SOX5: variants seen among roughly 807,000 people sequenced by gnomAD.
SOX5 encodes transcription factor SOX-5.
Under a neutral mutation model 92.0 loss-of-function variants are expected in SOX5, and 9 were observed. That is an observed-to-expected ratio of 0.10 (90% CI 0.06 to 0.17). The LOEUF (loss-of-function observed/expected upper bound fraction) is 0.17. Ranked by LOEUF, SOX5 falls within the 10% of genes least tolerant of loss-of-function variation. SOX5 has a pLI of 1.00. For synonymous variants in SOX5, 344 were observed against 336.3 expected (o/e 1.02, Z -0.25); for missense variants, 642 against 944.5 (o/e 0.68, Z 4.20).
At chr12:24,016,299 A>T (rs988599928) in intron 4 of SOX5, among the ~76,000 whole-genome samples, 2 of 152,200 alleles carry the variant, frequency 1.3e-5, no homozygotes, top group Non-Finnish European at 2.9e-5. Context: ...CATAAATGAC[A>T]ACAGATTGTC....
chr12:23,931,542 G>T (rs1165071015), intron 1 of SOX5, among the ~76,000 whole-genome samples: 2 of 151,560 alleles, frequency 1.3e-5, no homozygotes, highest in Non-Finnish European at 3.0e-5. Context: ...AGGAAACTTT[G>T]GTAACGAAAA....
rs376266012 is a variant in SOX5 at position 24,463,518 on chromosome 12, A to T, written c.-250-94879T>A. On this transcript the variant is annotated intron_variant, in intron 1 of 4. Transcript: ENST00000446891. ...TTTGACAGCCCAGTTTTAAATTTCT[A>T]AACGCTTACAGATTTTATCTAACTA... Among the ~76,000 whole-genome samples, 171 of 152,316 alleles carry T rather than the reference A, an allele frequency of 1.1e-3. 1 individual carries two copies. Among genetic ancestry groups the T allele is most frequent in the African/African-American group, 4.1e-3 (170 of 41,564 alleles).
chr12:24,031,502 T>C (rs1231569743), intron 4 of SOX5, among the ~76,000 whole-genome samples: 1 of 151,734 alleles, frequency 6.6e-6, no homozygotes, highest in East Asian at 1.9e-4. Flanking sequence ...AAGTAGAAAG[T>C]AGAATGGTGG....
intron 2 of SOX5, among the ~76,000 whole-genome samples, chr12:24,316,836 T>A (rs907315906): frequency 1.4e-4 from 22 of 152,208 alleles, no homozygotes; most frequent in Non-Finnish European, 5.9e-5. Context: ...TTTCCATTTG[T>A]ACAAACCCCT....
chr12:24,433,904 A>G (rs1053688235), intron 1 of SOX5, among the ~76,000 whole-genome samples: 8 of 152,194 alleles, frequency 5.3e-5, no homozygotes, highest in Non-Finnish European at 1.0e-4. Flanking sequence ...AGAAAGGAAC[A>G]TGTCAAATAG....
At chr12:23,753,953 GAAGA>G (rs1447500923) in intron 4 of SOX5, among the ~76,000 whole-genome samples, 1 of 151,772 alleles carries the variant, frequency 6.6e-6, no homozygotes, top group Non-Finnish European at 1.5e-5. Context: ...GCCCTGAACA[GAAGA>G]AAGACCTACA....
At chr12:24,317,379 G>A (rs1031511051) in intron 2 of SOX5, among the ~76,000 whole-genome samples, 7 of 152,222 alleles carry the variant, frequency 4.6e-5, no homozygotes, top group Admixed American at 2.0e-4. Context: ...AAAATAAAAT[G>A]GTATAATTAT....
At chr12:23,919,659 G>T (rs995835635) in intron 1 of SOX5, among the ~76,000 whole-genome samples, 2 of 152,134 alleles carry the variant, frequency 1.3e-5, no homozygotes, top group Non-Finnish European at 2.9e-5. Context: ...AGGAATGGAG[G>T]TCAGGAGATG....
At chr12:24,309,147 C>T (rs1212883243) in intron 2 of SOX5, among the ~76,000 whole-genome samples, 1 of 152,106 alleles carries the variant, frequency 6.6e-6, no homozygotes, top group Non-Finnish European at 1.5e-5. Context: ...ACAAACATGG[C>T]CATATTCTTA....
chr12:24,541,636 C>T (rs925788077), intron 1 of SOX5, among the ~76,000 whole-genome samples: 1 of 152,170 alleles, frequency 6.6e-6, no homozygotes, highest in African/African-American at 2.4e-5. Flanking sequence ...AATTTTTAGA[C>T]TCACAGGGAT....
chr12:23,620,522 A>G (rs138386937), intron 8 of SOX5, among the ~76,000 whole-genome samples: 1 of 152,098 alleles, frequency 6.6e-6, no homozygotes, highest in East Asian at 1.9e-4. Context: ...TTCTTGTATA[A>G]TTTATATGAA....
At chr12:23,810,988 T>C (rs2095866557) in intron 3 of SOX5, among the ~76,000 whole-genome samples, 1 of 152,150 alleles carries the variant, frequency 6.6e-6, no homozygotes, top group South Asian at 2.1e-4. Context: ...CCAAAAGACT[T>C]ATTCAGAGGT....
intron 4 of SOX5, among the ~76,000 whole-genome samples, chr12:24,084,607 A>G (rs1943742473): frequency 6.6e-6 from 1 of 152,102 alleles, no homozygotes; most frequent in Non-Finnish European, 1.5e-5. Flanking sequence ...AAATATGAAC[A>G]TGGCACATTT....
intron 2 of SOX5, among the ~76,000 whole-genome samples, chr12:24,327,499 T>A (rs1016541506): frequency 6.2e-5 from 9 of 144,048 alleles, no homozygotes; most frequent in African/African-American, 2.3e-4. Context: ...AACTGCAACC[T>A]CTACCTCCCA....
intron 2 of SOX5, among the ~76,000 whole-genome samples, chr12:23,863,341 T>C (rs1405091025): frequency 6.6e-6 from 1 of 152,212 alleles, no homozygotes; most frequent in Non-Finnish European, 1.5e-5. Context: ...ACAATCACTA[T>C]ATGATATTTT....
chr12:23,570,827 C>T (rs773551887), intron 10 of SOX5, among the ~76,000 whole-genome samples: 12 of 146,314 alleles, frequency 8.2e-5, no homozygotes, highest in Middle Eastern at 3.6e-3. Flanking sequence ...AGGGGAATGG[C>T]GTGAACCCAG....
chr12:24,294,923 C>T (rs181137777), intron 2 of SOX5, among the ~76,000 whole-genome samples: 1 of 152,254 alleles, frequency 6.6e-6, no homozygotes, highest in Admixed American at 6.5e-5. Context: ...TGAGAAAACA[C>T]ACCAGGTCTT....
chr12:24,490,857 T>TA (rs1946992788), intron 1 of SOX5, among the ~76,000 whole-genome samples: 1 of 152,142 alleles, frequency 6.6e-6, no homozygotes, highest in African/African-American at 2.4e-5. Flanking sequence ...CTTTTAAACT[T>TA]AAACATTATA....
intron 11 of SOX5, among the ~76,000 whole-genome samples, chr12:23,551,135 G>A (rs980712674): frequency 7.2e-5 from 11 of 151,962 alleles, no homozygotes; most frequent in South Asian, 2.1e-4. Context: ...GAGTGTGACT[G>A]TCAAATGTTG....
Sources: gnomAD v4.1 joint callset for allele counts (sites outside exome capture counted in the v4.1 genomes callset) on GRCh38, gnomAD v4.1.1 for gene constraint, MANE v1.5 for transcripts, NCBI Gene and HGNC (gene_info 2026-07-23, HGNC 2026-07-21) for gene names.